The following POMGNT1 variants were observed in gnomAD, a reference collection of about 807,000 sequenced individuals.
POMGNT1 encodes the protein protein O-linked mannose N-acetylglucosaminyltransferase 1 (beta 1,2-), also known as protein O-linked-mannose beta-1,2-N-acetylglucosaminyltransferase 1.
Under a neutral mutation model 95.6 loss-of-function variants are expected in POMGNT1, and 67 were observed. The ratio of observed to expected loss-of-function variants is 0.70; its 90% CI spans 0.58 to 0.86. The LOEUF is 0.86. Ranked by LOEUF, POMGNT1 falls within the 40% of genes least tolerant of loss-of-function variation. The probability of loss-of-function intolerance (pLI) is 0.00; values close to 1 mark genes in which losing one functional copy is unlikely to be tolerated. For synonymous variants in POMGNT1, 298 were observed against 317.9 expected, an observed-to-expected ratio of 0.94 and a Z score of 0.66; for missense variants, 719 against 855.2, an observed-to-expected ratio of 0.84 and a Z score of 1.99.
chr1:46,208,597 T>C (rs1350287139), intron 1 of POMGNT1, among the ~76,000 whole-genome samples: 1 of 151,998 alleles, frequency 6.6e-6, no homozygotes, highest in Non-Finnish European at 1.5e-5. Flanking sequence ...AATCCCAGCA[T>C]TTTGGGAGGC....
Position 46,193,840 on chromosome 1 carries a change from C to T in POMGNT1, c.950+15G>A. ...CTCCTGTTCAGTGCTGGGTATAGCCCATTCCCAGGCTTACCTGTACAGGTA... is the reference window on the plus strand; with the variant it reads ...CTCCTGTTCAGTGCTGGGTATAGCCTATTCCCAGGCTTACCTGTACAGGTA... On this transcript the variant is annotated intron_variant, in intron 10 of 21. Transcript: ENST00000371984. 1 of 1,613,834 alleles carries T rather than the reference C, an allele frequency of 6.2e-7. No individual in the cohort carries two copies. The highest frequency in any genetic ancestry group is 8.5e-7 in the Non-Finnish European group (1 of 1,179,906).
At position 46,193,898 on chromosome 1, in the gene POMGNT1, G is replaced by A; in HGVS notation, c.907C>T (p.Pro303Ser). The A allele has an allele frequency of 1.9e-6, 3 of 1,614,174 alleles. No homozygotes were observed. The highest frequency in any genetic ancestry group is 2.5e-6 in the Non-Finnish European group (3 of 1,180,028). ...CGGTTCCCTGCAATGACAGCCACAGGCACATTGAGGACCTTGTTGTCTGGG... is the reference window on the plus strand; with the variant it reads ...CGGTTCCCTGCAATGACAGCCACAGACACATTGAGGACCTTGTTGTCTGGG... ...PLPDNKVLNV[P>S]VAVIAGNRPN... The change falls in exon 10 of 22, where the codon CCT becomes TCT. Residue 303 changes from proline to serine, a missense_variant. Pro to Ser is a moderately conservative substitution (Grantham distance 74, BLOSUM62 -1). This residue lies in a region of POMGNT1 where 466 missense variants were observed against 517.4 expected (regional missense o/e 0.90). Coordinates refer to ENST00000371984, the MANE Select transcript of POMGNT1 (RefSeq NM_017739.4).
intron 1 of POMGNT1, among the ~76,000 whole-genome samples, chr1:46,207,739 C>T (rs143809270): frequency 0.019 from 2,935 of 151,640 alleles, 87 homozygotes; most frequent in African/African-American, 0.065. Context: ...GGGGTTTCAC[C>T]ATGTTAGCCA....
At chr1:46,202,140 A>G (rs1331965004), upstream of POMGNT1, among the ~76,000 whole-genome samples, 2 of 149,626 alleles carry the variant, frequency 1.3e-5, no homozygotes, top group East Asian at 2.1e-4. Flanking sequence ...TTTTTTGCCA[A>G]TTGGGAGTGG....
chr1:46,197,484 C>A, intron 2 of POMGNT1: 1 of 1,486,010 alleles, frequency 6.7e-7, no homozygotes, highest in South Asian at 1.3e-5. Flanking sequence ...AGACTTCAGG[C>A]TTCCGTCAGA....
chr1:46,202,571 T>C (rs572772152), upstream of POMGNT1, among the ~76,000 whole-genome samples: 1 of 151,986 alleles, frequency 6.6e-6, no homozygotes, highest in Non-Finnish European at 1.5e-5. Flanking sequence ...GGCGCATGCC[T>C]GTAATCCCAG....
chr1:46,195,635 C>A, intron 6 of POMGNT1, 176 bp downstream of exon 6: 1 of 704,162 alleles, frequency 1.4e-6, no homozygotes, highest in Non-Finnish European at 2.6e-6. Context: ...TGGCATACAG[C>A]TGTTGCTCAA....
Position 46,189,448 on chromosome 1 carries a change from G to A in POMGNT1, c.1895+10C>T. ...CCTCCTGTTTCCCAGGGCAGAAAAG[G>A]GTCACTCACGAGTAGGGGGAAGCCG... On this transcript the variant is annotated intron_variant, in intron 21 of 21. Coordinates refer to ENST00000371984, the MANE Select transcript of POMGNT1 (RefSeq NM_017739.4). 1.2e-6 allele frequency: 2 copies of A among 1,613,450 alleles called. No homozygotes were observed. Among genetic ancestry groups the A allele is most frequent in the Non-Finnish European group, 1.7e-6 (2 of 1,179,704 alleles).
intron 2 of POMGNT1, chr1:46,197,434 G>A: frequency 6.7e-7 from 1 of 1,492,324 alleles, no homozygotes; most frequent in Non-Finnish European, 8.9e-7. Context: ...GGCCCTAACT[G>A]CCTCACAGGG....
At position 46,197,018 on chromosome 1, in the gene POMGNT1, G is replaced by A. The variant is rs193919337; in HGVS notation, c.187C>T (p.Arg63Ter). ...VNIKLILDTR[R>*]AISEANEDPE... Reference sequence around the variant, plus strand: ...TCTTCATTGGCTTCACTGATGGCTCGCCGAGTGTCCAGGATCAACTTGATA... The same window carrying A: ...TCTTCATTGGCTTCACTGATGGCTCACCGAGTGTCCAGGATCAACTTGATA... Residue 63 changes from arginine to a stop codon, truncating the protein, a stop_gained, in exon 3 of 22, where the codon CGA becomes TGA. Transcript: ENST00000371984. LOFTEE classifies it high-confidence loss of function. 5.0e-6 allele frequency: 8 copies of A among 1,614,034 alleles called. No homozygotes were observed. Among genetic ancestry groups the A allele is most frequent in the African/African-American group, 2.7e-5 (2 of 74,902 alleles).
chr1:46,201,718 A>G (rs565101379), upstream of POMGNT1, among the ~76,000 whole-genome samples: 82 of 151,780 alleles, frequency 5.4e-4, 1 homozygote, highest in East Asian at 0.014. Flanking sequence ...AAAAAAAGAA[A>G]AAAGAAAGAA....
In POMGNT1 at chr1:46,194,668, A is replaced by G. The variant is rs1475939003; in HGVS notation, c.653-17T>C. ...AGACAGGACCTGGCAGGAGGCAGGA[A>G]TGAGGGCCATGGGGGCCCAGACACC... On this transcript the variant is annotated splice_polypyrimidine_tract_variant and intron_variant, in intron 7 of 21. Coordinates refer to ENST00000371984, the MANE Select transcript of POMGNT1 (RefSeq NM_017739.4). The G allele has an allele frequency of 6.2e-7, 1 of 1,614,252 alleles. No homozygotes were observed. The highest frequency in any genetic ancestry group is 2.2e-5 in the East Asian group (1 of 44,888).
intron 17 of POMGNT1, chr1:46,191,689 C>T: frequency 3.1e-6 from 1 of 319,080 alleles, no homozygotes; most frequent in Non-Finnish European, 6.1e-6. Flanking sequence ...GGCTGGAGTG[C>T]AGTGGCGTGA....
At chr1:46,193,060 C>A (rs1437317624) in intron 13 of POMGNT1, 102 bp from the exon 14 acceptor site, 12 of 1,603,532 alleles carry the variant, frequency 7.5e-6, no homozygotes, top group African/African-American at 1.3e-5. Context: ...CCCCCATTTT[C>A]CAGATGTGAA....
intron 1 of POMGNT1, chr1:46,219,644 G>T: frequency 6.6e-7 from 1 of 1,506,646 alleles, no homozygotes; most frequent in Non-Finnish European, 8.8e-7. Flanking sequence ...CTGTGGAAAC[G>T]CTGGGGAAAC....
At chr1:46,209,244 G>A (rs1396821633) in intron 1 of POMGNT1, among the ~76,000 whole-genome samples, 2 of 152,198 alleles carry the variant, frequency 1.3e-5, no homozygotes, top group African/African-American at 2.4e-5. Flanking sequence ...GGCTGGTCTC[G>A]AACTCCCGAA....
At chr1:46,211,480 C>CACACAG (rs1557684808) in intron 1 of POMGNT1, among the ~76,000 whole-genome samples, 1 of 151,054 alleles carries the variant, frequency 6.6e-6, no homozygotes, top group African/African-American at 2.5e-5. Context: ...CACACACACA[C>CACACAG]AGTAATATCA....
rs199661717 is a variant in POMGNT1 at position 46,203,559 on chromosome 1, C to T, written c.-50-5688G>A. On this transcript the variant is annotated intron_variant, in intron 1 of 22. Coordinates refer to the POMGNT1 transcript ENST00000371992. Reference sequence around the variant, plus strand: ...GCTGGGAACCTCTGGCGCCCTGCTGCTCCCAGGGGCGTCTAGCACCGGCCA... The same window carrying T: ...GCTGGGAACCTCTGGCGCCCTGCTGTTCCCAGGGGCGTCTAGCACCGGCCA... 3.2e-6 allele frequency: 5 copies of T among 1,566,666 alleles called. No homozygotes were observed. In the Admixed American group the frequency reaches 9.8e-5, roughly 31 times the overall value.
chr1:46,195,674 T>C (rs556213858), intron 6 of POMGNT1, 137 bp downstream of exon 6: 1 of 823,016 alleles, frequency 1.2e-6, no homozygotes, highest in African/African-American at 1.7e-5. Context: ...ATACAAATGT[T>C]AAGGCTGAGA....
Sources: allele counts gnomAD v4.1 joint callset (sites outside exome capture counted in the v4.1 genomes callset), GRCh38; gene constraint gnomAD v4.1.1; regional missense constraint gnomAD v4.1.1; transcripts MANE v1.5; gene names NCBI Gene and HGNC (gene_info 2026-07-23, HGNC 2026-07-21).